Variants in MYO18B observed in about 807,000 individuals in gnomAD.
MYO18B encodes myosin XVIIIB.
Under a neutral mutation model 273.0 loss-of-function variants are expected in MYO18B, and 204 were observed. The ratio of observed to expected loss-of-function variants is 0.75; its 90% CI spans 0.67 to 0.84. The LOEUF (loss-of-function observed/expected upper bound fraction) is 0.84, where lower values mean the gene tolerates loss of function less well. Ranked by LOEUF, MYO18B falls within the 40% of genes least tolerant of loss-of-function variation. MYO18B has a pLI of 0.00. For missense variants in MYO18B, 3,212 were observed against 3,287.6 expected (o/e 0.98, Z 0.56); for synonymous variants, 1,330 against 1,305.7 (o/e 1.02, Z -0.40).
intron 22 of MYO18B, 97 bp downstream of exon 22, chr22:25,868,482 A>G: frequency 1.9e-6 from 2 of 1,040,898 alleles, no homozygotes; most frequent in South Asian, 3.0e-5. Context: ...TTATCTCTGT[A>G]CGTCTCCTTT....
intron 34 of MYO18B, among the ~76,000 whole-genome samples, chr22:25,923,680 G>C (rs1187775670): frequency 1.3e-5 from 2 of 152,116 alleles, no homozygotes; most frequent in African/African-American, 2.4e-5. Flanking sequence ...CTTGCTTCTA[G>C]GTAGGCAGAG....
At position 25,769,228 on chromosome 22, in the gene MYO18B, C is replaced by T. The variant is rs1685527289; in HGVS notation, c.1312C>T (p.Pro438Ser). The change falls in exon 4 of 44, where the codon CCA becomes TCA. Residue 438 changes from proline (P) to serine (S), a missense_variant. Coordinates refer to ENST00000335473, the MANE Select transcript of MYO18B (RefSeq NM_032608.7). ...SPAAPGKGGW[P>S]GSRGQEAEEP... ...AGCAGCTCCTGGGAAGGGAGGCTGG[C>T]CAGGAAGCCGTGGGCAGGAAGCAGA... 2 of 1,600,898 alleles carry T rather than the reference C, an allele frequency of 1.2e-6. No individual in the cohort carries two copies. Among genetic ancestry groups the T allele is most frequent in the South Asian group, 1.1e-5 (1 of 88,672 alleles).
intron 21 of MYO18B, among the ~76,000 whole-genome samples, chr22:25,852,834 G>A (rs1335605585): frequency 2.0e-5 from 3 of 152,220 alleles, no homozygotes; most frequent in Non-Finnish European, 4.4e-5. Flanking sequence ...CTGTGTGAAT[G>A]TAAACTGGTT....
At chr22:25,958,580 T>C (rs917408970) in intron 39 of MYO18B, among the ~76,000 whole-genome samples, 2 of 152,158 alleles carry the variant, frequency 1.3e-5, no homozygotes, top group African/African-American at 4.8e-5. Context: ...ACACCAGCTA[T>C]GAGCATGGCA....
chr22:26,051,785 T>A, the MYO18B span, among the ~76,000 whole-genome samples: 8 of 152,372 alleles, frequency 5.3e-5, no homozygotes, highest in African/African-American at 1.9e-4. Context: ...TTTTTAAAGG[T>A]ATGTGTCTTA....
At chr22:25,869,024 G>A (rs915495615) in intron 22 of MYO18B, among the ~76,000 whole-genome samples, 3 of 152,144 alleles carry the variant, frequency 2.0e-5, no homozygotes, top group Non-Finnish European at 4.4e-5. Context: ...CCAGCCTTTT[G>A]TTTGTGTGGA....
At chr22:26,036,930 C>G in the MYO18B span, among the ~76,000 whole-genome samples, 1 of 152,154 alleles carries the variant, frequency 6.6e-6, no homozygotes, top group African/African-American at 2.4e-5. Flanking sequence ...ATGACTTTTC[C>G]CCATACCAGC....
intron 6 of MYO18B, among the ~76,000 whole-genome samples, 180 bp downstream of exon 6, chr22:25,771,164 G>C (rs2086706550): frequency 6.6e-6 from 1 of 152,206 alleles, no homozygotes; most frequent in South Asian, 2.1e-4. Context: ...TTGCTCTACT[G>C]GAGGGGTACT....
intron 37 of MYO18B, among the ~76,000 whole-genome samples, 200 bp from the exon 38 acceptor site, chr22:25,952,086 T>C (rs2092798671): frequency 6.6e-6 from 1 of 152,234 alleles, no homozygotes; most frequent in Admixed American, 6.5e-5. Context: ...GATCAGGGTC[T>C]GGTGTGAGGG....
intron 12 of MYO18B, among the ~76,000 whole-genome samples, chr22:25,807,822 T>A (rs1401047440): frequency 6.6e-6 from 1 of 152,070 alleles, no homozygotes; most frequent in Middle Eastern, 3.2e-3. Flanking sequence ...GGCGTGGCCA[T>A]ATCTTGCCAT....
intron 3 of MYO18B, among the ~76,000 whole-genome samples, chr22:25,765,624 A>C (rs2086476409): frequency 6.6e-6 from 1 of 152,174 alleles, no homozygotes; most frequent in Non-Finnish European, 1.5e-5. Flanking sequence ...ACTCATCTGT[A>C]AAAATGTGCT....
the MYO18B span, among the ~76,000 whole-genome samples, chr22:26,052,210 T>C: frequency 6.6e-6 from 1 of 152,234 alleles, no homozygotes; most frequent in Non-Finnish European, 1.5e-5. Context: ...GTTGGCTGTT[T>C]TGTGGGTTGG....
At position 25,768,815 on chromosome 22, in the gene MYO18B, A is replaced by C; in HGVS notation, c.899A>C (p.Lys300Thr). Residue 300 changes from lysine (K) to threonine (T), a missense_variant, in exon 4 of 44, where the codon AAG (lysine) becomes ACG (threonine). Lys to Thr is a moderately conservative substitution (Grantham distance 78, BLOSUM62 -1). Transcript: ENST00000335473. ...ACGGTGGAAAAGGGGAATGTCTCTA[A>C]GGACGTAGGGAGTGAAGGGAAGCAC... ...TNTVEKGNVS[K>T]DVGSEGKHVR... 1 of 1,610,938 alleles carries C rather than the reference A, an allele frequency of 6.2e-7. No individual in the cohort carries two copies. The highest frequency in any genetic ancestry group is 8.5e-7 in the Non-Finnish European group (1 of 1,178,532).
rs372589915 is a variant in MYO18B, at chr22:25,898,406, G to A, written c.4768G>A (p.Val1590Ile). The A allele has an allele frequency of 4.5e-5, 73 of 1,613,796 alleles. No homozygotes were observed. Among genetic ancestry groups the A allele is most frequent in the Admixed American group, 2.7e-4 (16 of 59,990 alleles). Residue 1590 changes from valine (V) to isoleucine (I), a missense_variant, in exon 29 of 44, where the codon GTC (valine) becomes ATC (isoleucine). Val to Ile is a conservative substitution (Grantham distance 29). Transcript: ENST00000335473. ...TACCTGTGACCTTGAGGATACCTGC[G>A]TCCTGCTAGAGAACCAACAAAGTCG... ...HLTCDLEDTCVLLENQQSRNH... is the reference protein window; with the variant it reads ...HLTCDLEDTCILLENQQSRNH...
chr22:25,856,853 G>A (rs1019165123), intron 21 of MYO18B, among the ~76,000 whole-genome samples: 35 of 152,310 alleles, frequency 2.3e-4, no homozygotes, highest in African/African-American at 6.7e-4. Flanking sequence ...CCTCTGAAGG[G>A]TTTCAGCAGG....
rs9624924 is a variant in MYO18B at position 25,907,169 on chromosome 22, G to A, written c.5149-1153G>A. On this transcript the variant is annotated intron_variant, in intron 31 of 43. Transcript: ENST00000335473. ...TTAAAAATGCGTTTGTAATTCTAACGTGCCACAAAATTTGAGAAGCCAGGG... is the reference window on the plus strand; with the variant it reads ...TTAAAAATGCGTTTGTAATTCTAACATGCCACAAAATTTGAGAAGCCAGGG... Among the ~76,000 whole-genome samples, 417 of 152,354 alleles carry A rather than the reference G, an allele frequency of 2.7e-3. 1 individual carries two copies. The highest frequency in any genetic ancestry group is 9.5e-3 in the African/African-American group (397 of 41,574).
At chr22:25,803,931 C>T (rs973542140) in intron 12 of MYO18B, among the ~76,000 whole-genome samples, 3 of 149,962 alleles carry the variant, frequency 2.0e-5, no homozygotes, top group Non-Finnish European at 4.4e-5. Flanking sequence ...TTGACCTCAA[C>T]TTACGGTAAG....
chr22:25,940,642 G>A (rs2092632946), intron 34 of MYO18B, among the ~76,000 whole-genome samples: 1 of 152,150 alleles, frequency 6.6e-6, no homozygotes, highest in Non-Finnish European at 1.5e-5. Flanking sequence ...TCCCCCCGGT[G>A]GTAGAGAACA....
In MYO18B at chr22:25,781,335, C is replaced by T. The variant is rs112149241; in HGVS notation, c.2212-399C>T. ...CTCGAAGAGTGGATCAGAGGCTGGG[C>T]GTGGTGGCTCACGCCTGTAATCCCA... On this transcript the variant is annotated intron_variant, in intron 9 of 43. Transcript: ENST00000335473. 2.9e-3 allele frequency among the ~76,000 whole-genome samples: 439 copies of T among 152,130 alleles called. 4 individuals are homozygous for T. The highest frequency in any genetic ancestry group is 9.6e-3 in the African/African-American group (399 of 41,474).
Sources: gnomAD v4.1 joint callset for allele counts (sites outside exome capture counted in the v4.1 genomes callset) on GRCh38, gnomAD v4.1.1 for gene constraint, MANE v1.5 for transcripts, NCBI Gene and HGNC (gene_info 2026-07-23, HGNC 2026-07-21) for gene names.